The following D2HGDH variants were observed in gnomAD, a reference collection of about 807,000 sequenced individuals.
D2HGDH encodes the protein D-2-hydroxyglutarate dehydrogenase, mitochondrial.
D2HGDH carries 31 observed loss-of-function variants against 46.9 expected under a neutral mutation model. The observed-to-expected ratio is 0.66, with a 90% confidence interval of 0.50 to 0.89. The LOEUF (loss-of-function observed/expected upper bound fraction) is 0.89. D2HGDH is among the 40% of genes least tolerant of loss of function. The pLI, the probability that D2HGDH is intolerant of heterozygous loss-of-function variation, is 0.00. For missense variants in D2HGDH, 698 were observed against 720.8 expected (o/e 0.97, Z 0.36); for synonymous variants, 364 against 332.6 (o/e 1.09, Z -1.03).
intron 6 of D2HGDH, chr2:241,748,877 C>T (rs34767042): frequency 0.47 from 607,992 of 1,296,210 alleles, 147,300 homozygotes; most frequent in African/African-American, 0.8. Context: ...ACCTGTGTGC[C>T]GCCCGCCTGT....
intron 9 of D2HGDH, among the ~76,000 whole-genome samples, chr2:241,759,940 A>G (rs1329031640): frequency 6.6e-6 from 1 of 152,226 alleles, no homozygotes; most frequent in East Asian, 1.9e-4. Flanking sequence ...TTCTGTGAAG[A>G]TATTTTTTAT....
At chr2:241,749,177 C>T (rs1696643772) in intron 6 of D2HGDH, 2 of 846,600 alleles carry the variant, frequency 2.4e-6, no homozygotes, top group African/African-American at 1.8e-5. Flanking sequence ...CCAGTCCCCA[C>T]CGCCAGACCC....
At chr2:241,752,454 G>A (rs531809167) in intron 8 of D2HGDH, among the ~76,000 whole-genome samples, 70 of 152,166 alleles carry the variant, frequency 4.6e-4, no homozygotes, top group Non-Finnish European at 8.7e-4. Context: ...ACATTCTGCC[G>A]CAGTAACAAG....
chr2:241,749,871 T>A, intron 6 of D2HGDH: 1 of 476,944 alleles, frequency 2.1e-6, no homozygotes, highest in Admixed American at 3.1e-5. Context: ...CCTGATCTGA[T>A]GCTGGTGGTG....
chr2:241,750,597 C>T (rs1697009413), intron 7 of D2HGDH, among the ~76,000 whole-genome samples: 3 of 152,234 alleles, frequency 2.0e-5, no homozygotes, highest in Admixed American at 2.0e-4. Flanking sequence ...GGGAGACTTT[C>T]TTTCCATTTC....
In D2HGDH at chr2:241,735,295, G is replaced by A. The variant is rs1692452859; in HGVS notation, c.71G>A (p.Trp24Ter). The A allele has an allele frequency of 2.0e-6, 3 of 1,527,540 alleles. No homozygotes were observed. Among genetic ancestry groups the A allele is most frequent in the Middle Eastern group, 2.2e-4 (1 of 4,548 alleles). 94.6% of individuals were successfully genotyped at this position (1,527,540 alleles called of 1,614,324 possible). The change falls in exon 2 of 10, where the codon TGG becomes TAG. Residue 24 changes from tryptophan (W) to a stop codon, truncating the protein, a stop_gained. Transcript: ENST00000321264. LOFTEE classifies it high-confidence loss of function. ...GGTGCTCCGGGAGCCGCGGGTTCTT[G>A]GGGTCGGCCGGTTGGCCCCCTGGCC... ...LRGAPGAAGS[W>*]GRPVGPLARR...
intron 9 of D2HGDH, among the ~76,000 whole-genome samples, chr2:241,760,722 CAA>C (rs1411822877): frequency 6.6e-6 from 1 of 151,856 alleles, no homozygotes; most frequent in East Asian, 1.9e-4. Flanking sequence ...TCGAAGGCCA[CAA>C]GAGCAGAAAT....
At position 241,751,506 on chromosome 2, in the gene D2HGDH, G is replaced by A. The variant is rs1233823793; in HGVS notation, c.1140+118G>A. On this transcript the variant is annotated intron_variant, in intron 8 of 9. Coordinates refer to ENST00000321264, the MANE Select transcript of D2HGDH (RefSeq NM_152783.5). ...ACAGTGTGGGATGTGGCTGAAATGT[G>A]ACTGGGTTTCATGGCTTTGAGAGAG... is the stretch of plus-strand genomic sequence containing the variant. The A allele has an allele frequency of 5.4e-6, 8 of 1,474,336 alleles. No individual in the cohort carries two copies. The South Asian group carries it at 7.3e-5, about 13-fold the overall frequency. The allele number at this position is 1,474,336 out of a possible 1,614,324, so 91.3% of individuals were successfully genotyped here.
chr2:241,760,062 T>TA, intron 9 of D2HGDH, among the ~76,000 whole-genome samples: 1 of 114,816 alleles, frequency 8.7e-6, no homozygotes, highest in Non-Finnish European at 1.8e-5. Context: ...GGGTGGGCCT[T>TA]ACCCAGTCGA....
chr2:241,768,379 G>T lies in D2HGDH; in HGVS notation c.*410G>T. 4.9e-6 allele frequency: 1 copy of T among 205,130 alleles called. No homozygotes were observed. The allele number at this position is 205,130 out of a possible 1,614,324, so 12.7% of individuals were successfully genotyped here. ...CCCCGGGCATGCGTGGGCAGCGGGG[G>T]GCATGCGTGGGCAGCAGGGGGCGTG... On this transcript the variant is annotated 3_prime_UTR_variant, in exon 10 of 10. Coordinates refer to ENST00000321264, the MANE Select transcript of D2HGDH (RefSeq NM_152783.5).
rs1398256866 is a variant in D2HGDH, at chr2:241,767,885, C to G, written c.1482C>G (p.Ala494=). ...DVLGYSKPPG[A]LQLMQQLKAL... Reference sequence around the variant, plus strand: ...TGGGCTACAGCAAGCCACCGGGGGCCCTGCAGCTCATGCAGCAGCTCAAGG... The same window carrying G: ...TGGGCTACAGCAAGCCACCGGGGGCGCTGCAGCTCATGCAGCAGCTCAAGG... Residue 494 remains alanine (A), a synonymous_variant, in exon 10 of 10, where the codon GCC becomes GCG. Transcript: ENST00000321264. 6.2e-7 allele frequency: 1 copy of G among 1,608,084 alleles called. No individual in the cohort carries two copies. Among genetic ancestry groups the G allele is most frequent in the East Asian group, 2.2e-5 (1 of 44,636 alleles).
chr2:241,736,660 A>G (rs1485895792), intron 2 of D2HGDH, among the ~76,000 whole-genome samples: 2 of 144,378 alleles, frequency 1.4e-5, no homozygotes, highest in Non-Finnish European at 3.0e-5. Flanking sequence ...ATCTGCAAAG[A>G]CCGTTTATCC....
At chr2:241,735,655 C>T (rs1692573168) in intron 2 of D2HGDH, 139 bp downstream of exon 2, 2 of 1,171,072 alleles carry the variant, frequency 1.7e-6, no homozygotes, top group Non-Finnish European at 2.4e-6. Flanking sequence ...GTGTGCACCG[C>T]CACAGGCTGC....
intron 9 of D2HGDH, among the ~76,000 whole-genome samples, chr2:241,764,492 G>C (rs1026375550): frequency 1.3e-5 from 2 of 152,220 alleles, no homozygotes; most frequent in African/African-American, 4.8e-5. Flanking sequence ...GACAGGACAT[G>C]GACTATGAGT....
intron 2 of D2HGDH, among the ~76,000 whole-genome samples, chr2:241,740,151 A>G (rs1006151131): frequency 6.6e-6 from 1 of 152,168 alleles, no homozygotes; most frequent in African/African-American, 2.4e-5. Context: ...TTTCAAAAGA[A>G]ATAAAAGGAA....
chr2:241,742,359 T>C lies in D2HGDH; in HGVS notation c.351-76T>C. 8 of 1,519,408 alleles carry C rather than the reference T, an allele frequency of 5.3e-6. No individual in the cohort carries two copies. The highest frequency in any genetic ancestry group is 7.1e-6 in the Non-Finnish European group (8 of 1,125,706). The allele number at this position is 1,519,408 out of a possible 1,614,324, so 94.1% of individuals were successfully genotyped here. ...ATCAGGATTTGGAGTCAGGCACTGG[T>C]CCTGCGGCGTGTCCTTGGGGATGGT... On this transcript the variant is annotated intron_variant, in intron 3 of 9. Coordinates refer to ENST00000321264, the MANE Select transcript of D2HGDH (RefSeq NM_152783.5). The surrounding 1 kb of genome is among the most constrained non-coding windows in gnomAD (Gnocchi z 4.8).
rs778379024 is a variant in D2HGDH at position 241,767,904 on chromosome 2, C to G, written c.1501C>G (p.Leu501Val). The stretch of plus-strand genomic sequence containing the variant: ...GGGGGCCCTGCAGCTCATGCAGCAG[C>G]TCAAGGCCCTGCTGGACCCCAAGGG... The part of the protein sequence containing the change: ...PPGALQLMQQ[L>V]KALLDPKGIL... Residue 501 changes from leucine (L) to valine (V), a missense_variant, in exon 10 of 10, where the codon CTC becomes GTC. Leu to Val is a conservative substitution (Grantham distance 32). Coordinates refer to ENST00000321264, the MANE Select transcript of D2HGDH (RefSeq NM_152783.5). 2.5e-6 allele frequency: 4 copies of G among 1,604,194 alleles called. No individual in the cohort carries two copies.
intron 9 of D2HGDH, among the ~76,000 whole-genome samples, chr2:241,756,894 C>T (rs1394483734): frequency 1.3e-5 from 2 of 152,010 alleles, no homozygotes; most frequent in Admixed American, 6.6e-5. Flanking sequence ...GGGGTGGGGG[C>T]AGTGCTGGGG....
chr2:241,758,769 A>ATG (rs558559121), intron 9 of D2HGDH, among the ~76,000 whole-genome samples: 13,724 of 131,764 alleles, frequency 0.1, 762 homozygotes, highest in East Asian at 0.17. Flanking sequence ...CCCACAATAT[A>ATG]TGTGTGTGTG....
Sources: allele counts gnomAD v4.1 joint callset (sites outside exome capture counted in the v4.1 genomes callset), GRCh38; gene constraint gnomAD v4.1.1; non-coding constraint Gnocchi (gnomAD v3.1); transcripts MANE v1.5; gene names NCBI Gene and HGNC (gene_info 2026-07-23, HGNC 2026-07-21).